DPP10: variants seen among roughly 807,000 people sequenced by gnomAD.
The protein encoded by DPP10 is inactive dipeptidyl peptidase 10.
Under a neutral mutation model 120.9 loss-of-function variants are expected in DPP10, and 33 were observed. That is an observed-to-expected ratio of 0.27 (90% CI 0.21 to 0.37). The LOEUF is 0.37. Ranked by LOEUF, DPP10 falls within the 10% of genes least tolerant of loss-of-function variation. The probability of loss-of-function intolerance (pLI) is 1.00; values close to 1 mark genes in which losing one functional copy is unlikely to be tolerated. For missense variants in DPP10, 816 were observed against 942.8 expected, an observed-to-expected ratio of 0.87 and a Z score of 1.76; for synonymous variants, 337 against 326.1, an observed-to-expected ratio of 1.03 and a Z score of -0.36.
chr2:115,336,948 A>G (rs1480897817), intron 2 of DPP10, among the ~76,000 whole-genome samples: 2 of 152,064 alleles, frequency 1.3e-5, no homozygotes, highest in Non-Finnish European at 2.9e-5. Context: ...TGTATCAAAT[A>G]GTAAGATTTC....
intron 2 of DPP10, among the ~76,000 whole-genome samples, chr2:115,335,490 C>A (rs1407555875): frequency 5.3e-5 from 8 of 151,880 alleles, no homozygotes; most frequent in Non-Finnish European, 4.4e-5. Flanking sequence ...CATATTTCAT[C>A]TGCTGCCTAA....
At chr2:115,651,271 A>G (rs985963285) in intron 5 of DPP10, among the ~76,000 whole-genome samples, 14 of 152,216 alleles carry the variant, frequency 9.2e-5, no homozygotes, top group African/African-American at 2.9e-4. Flanking sequence ...TATAATATGA[A>G]TAGACTTCTA....
At chr2:114,677,977 G>A (rs1698776939) in intron 1 of DPP10, among the ~76,000 whole-genome samples, 1 of 152,092 alleles carries the variant, frequency 6.6e-6, no homozygotes, top group African/African-American at 2.4e-5. Context: ...AAGATATGGA[G>A]TGTTTTCATT....
intron 1 of DPP10, among the ~76,000 whole-genome samples, chr2:114,944,149 A>G (rs1435327092): frequency 6.6e-6 from 1 of 152,170 alleles, no homozygotes; most frequent in Admixed American, 6.5e-5. Context: ...ATATTCTTGA[A>G]CCAAGACTGA....
chr2:115,236,972 G>C (rs2058036790), intron 1 of DPP10, among the ~76,000 whole-genome samples: 1 of 152,134 alleles, frequency 6.6e-6, no homozygotes, highest in South Asian at 2.1e-4. Flanking sequence ...AGATTACAAT[G>C]TTGAAAATCA....
intron 7 of DPP10, among the ~76,000 whole-genome samples, chr2:115,697,573 T>C (rs1178882101): frequency 6.8e-6 from 1 of 147,204 alleles, no homozygotes; most frequent in Non-Finnish European, 1.5e-5. Flanking sequence ...ATGAATATAA[T>C]TGAAGGGAAT....
At position 115,004,641 on chromosome 2, in the gene DPP10, T is replaced by G. The variant is rs1701682767; in HGVS notation, c.61-304598T>G. Among the ~76,000 whole-genome samples, 9 of 152,286 alleles carry G rather than the reference T, an allele frequency of 5.9e-5. No individual in the cohort carries two copies. In the South Asian group the frequency reaches 1.7e-3, roughly 28 times the overall value. The stretch of plus-strand genomic sequence containing the variant: ...CTGGAAAATCGGGTCACTCCCACCC[T>G]AATACTGCACTTTTCCGTTGGGCTT... On this transcript the variant is annotated intron_variant, in intron 1 of 25. Transcript: ENST00000410059.
At chr2:115,254,508 G>A (rs1361735489) in intron 1 of DPP10, among the ~76,000 whole-genome samples, 1 of 152,130 alleles carries the variant, frequency 6.6e-6, no homozygotes, top group Non-Finnish European at 1.5e-5. Context: ...TTAAAATGCA[G>A]TAACGCCCTT....
intron 1 of DPP10, among the ~76,000 whole-genome samples, chr2:114,954,520 T>A (rs997617283): frequency 6.6e-6 from 1 of 151,254 alleles, no homozygotes; most frequent in Middle Eastern, 3.4e-3. Context: ...AGATCCCAAA[T>A]AAACAACCTA....
chr2:115,335,899 G>A (rs1001708495), intron 2 of DPP10, among the ~76,000 whole-genome samples: 1 of 152,022 alleles, frequency 6.6e-6, no homozygotes, highest in Admixed American at 6.6e-5. Context: ...GGAGAATCAC[G>A]TGAGTAGAAA....
chr2:115,076,608 A>G (rs368468137), intron 1 of DPP10, among the ~76,000 whole-genome samples: 6 of 152,334 alleles, frequency 3.9e-5, no homozygotes, highest in East Asian at 3.9e-4. Context: ...ATTACACTAC[A>G]TGTAACATTG....
chr2:115,217,339 A>G (rs557872238), intron 1 of DPP10, among the ~76,000 whole-genome samples: 1 of 152,298 alleles, frequency 6.6e-6, no homozygotes, highest in East Asian at 1.9e-4. Context: ...ATACATGGTA[A>G]ACACCTAAAG....
chr2:114,989,919 C>T (rs1359325423), intron 1 of DPP10, among the ~76,000 whole-genome samples: 1 of 152,134 alleles, frequency 6.6e-6, no homozygotes. Flanking sequence ...GTTTATTAGT[C>T]TATTCATTCC....
rs561618813 is a variant in DPP10 at position 114,764,664 on chromosome 2, A to G, written c.60+321826A>G. Among the ~76,000 whole-genome samples the G allele has an allele frequency of 2.6e-5, 4 of 152,074 alleles. No homozygotes were observed. The East Asian group carries it at 7.7e-4, about 29-fold the overall frequency. On this transcript the variant is annotated intron_variant, in intron 1 of 25. Coordinates refer to ENST00000410059, the MANE Select transcript of DPP10 (RefSeq NM_020868.6). ...GTATACAAATATATAAAGAAGATAA[A>G]TTTATAATATTTATTTTGGGTTAGA...
At chr2:115,161,712 TGGGTGGC>T (rs1449849893) in intron 1 of DPP10, 5 of 388,170 alleles carry the variant, frequency 1.3e-5, no homozygotes, top group African/African-American at 1.1e-4. Context: ...CGCTGCGCTT[TGGGTGGC>T]GGGGGGCGGG....
At chr2:114,942,362 C>CACACACAT (rs1697012490) in intron 1 of DPP10, among the ~76,000 whole-genome samples, 2 of 91,226 alleles carry the variant, frequency 2.2e-5, no homozygotes, top group African/African-American at 9.5e-5. Context: ...TATATATATA[C>CACACACAT]ATATATATAC....
chr2:115,741,422 T>C (rs1361093998), intron 9 of DPP10, among the ~76,000 whole-genome samples: 1 of 151,952 alleles, frequency 6.6e-6, no homozygotes, highest in Non-Finnish European at 1.5e-5. Flanking sequence ...AATTATAGAT[T>C]TAGCTTTTTT....
intron 1 of DPP10, among the ~76,000 whole-genome samples, chr2:114,497,302 C>T (rs376577157): frequency 4.6e-5 from 3 of 65,042 alleles, no homozygotes; most frequent in Non-Finnish European, 1.5e-4. Flanking sequence ...TACATGTATA[C>T]GTGTATACAT....
chr2:115,749,372 A>G (rs1005318329), intron 10 of DPP10, among the ~76,000 whole-genome samples: 1 of 152,088 alleles, frequency 6.6e-6, no homozygotes, highest in Non-Finnish European at 1.5e-5. Flanking sequence ...TTCTTACTCT[A>G]TGTCCTTAGC....
Sources: gnomAD v4.1 joint callset for allele counts (sites outside exome capture counted in the v4.1 genomes callset) on GRCh38, gnomAD v4.1.1 for gene constraint, MANE v1.5 for transcripts, NCBI Gene and HGNC (gene_info 2026-07-23, HGNC 2026-07-21) for gene names.